The following ASIC2 variants were observed in gnomAD, a reference collection of about 807,000 sequenced individuals.
ASIC2 encodes acid sensing ion channel subunit 2, also known as acid-sensing ion channel 2.
ASIC2 carries 25 observed loss-of-function variants against 57.3 expected under a neutral mutation model. That is an observed-to-expected ratio of 0.44 (90% CI 0.32 to 0.61). The LOEUF is 0.61. Among genes scored for constraint, ASIC2 ranks in the 20% least tolerant of loss-of-function variants. The pLI, the probability that ASIC2 is intolerant of heterozygous loss-of-function variation, is 0.06. For synonymous variants in ASIC2, 319 were observed against 307.5 expected, an observed-to-expected ratio of 1.04 and a Z score of -0.39; for missense variants, 641 against 738.1, an observed-to-expected ratio of 0.87 and a Z score of 1.52.
intron 1 of ASIC2, among the ~76,000 whole-genome samples, chr17:33,311,360 C>T (rs185566637): frequency 1.3e-5 from 2 of 152,012 alleles, no homozygotes; most frequent in Non-Finnish European, 2.9e-5. Context: ...TGATGTACCA[C>T]CCCATGTACA....
intron 1 of ASIC2, among the ~76,000 whole-genome samples, chr17:33,196,030 T>C (rs1031300736): frequency 6.6e-6 from 1 of 152,220 alleles, no homozygotes; most frequent in Non-Finnish European, 1.5e-5. Flanking sequence ...GTGTGCCGGA[T>C]ACCCCGCCAG....
chr17:33,465,848 T>C (rs1488407646), intron 1 of ASIC2, among the ~76,000 whole-genome samples: 1 of 152,218 alleles, frequency 6.6e-6, no homozygotes, highest in Non-Finnish European at 1.5e-5. Flanking sequence ...GCCCAACTTA[T>C]GTGGAGATGT....
intron 1 of ASIC2, among the ~76,000 whole-genome samples, chr17:33,686,660 A>G (rs1908204625): frequency 6.6e-6 from 1 of 152,224 alleles, no homozygotes; most frequent in South Asian, 2.1e-4. Flanking sequence ...CCTTGCAGTC[A>G]GAATGACTGG....
intron 1 of ASIC2, among the ~76,000 whole-genome samples, chr17:33,506,238 CAAA>C (rs533194191): frequency 0.02 from 2,225 of 114,098 alleles, 62 homozygotes; most frequent in African/African-American, 0.064. Context: ...ACTAAAAATA[CAAA>C]AAAAAAAAAA....
At position 33,979,401 on chromosome 17, in the gene ASIC2, A is replaced by G. The variant is rs1311056099; in HGVS notation, c.555+176577T>C. On this transcript the variant is annotated intron_variant, in intron 1 of 9. Coordinates refer to the ASIC2 transcript ENST00000359872. ...AAACCCTGACTTCTCCCCTCCACCCAGCCGAGCTCCACCAAGCCCAGGAGT... is the reference window on the plus strand; with the variant it reads ...AAACCCTGACTTCTCCCCTCCACCCGGCCGAGCTCCACCAAGCCCAGGAGT... 2.0e-5 allele frequency among the ~76,000 whole-genome samples: 3 copies of G among 152,098 alleles called. No homozygotes were observed. The East Asian group carries it at 5.8e-4, about 29-fold the overall frequency.
At chr17:33,782,231 C>T (rs1012079493) in intron 1 of ASIC2, among the ~76,000 whole-genome samples, 2 of 152,134 alleles carry the variant, frequency 1.3e-5, no homozygotes, top group Admixed American at 6.5e-5. Flanking sequence ...CTCTGCCTAG[C>T]CCTCAGTCCT....
rs1005371640 is a variant in ASIC2, at chr17:34,057,473, T to A, written c.555+98505A>T. ...AGAGGTGTGAGTGCCTGTCTGATGATGGGACTTGGTGCAATTATGGCTGCA... is the reference window on the plus strand; with the variant it reads ...AGAGGTGTGAGTGCCTGTCTGATGAAGGGACTTGGTGCAATTATGGCTGCA... On this transcript the variant is annotated intron_variant, in intron 1 of 9. Coordinates refer to the ASIC2 transcript ENST00000359872. 2.6e-5 allele frequency among the ~76,000 whole-genome samples: 4 copies of A among 152,172 alleles called. No homozygotes were observed. In the South Asian group the frequency reaches 8.3e-4, roughly 31 times the overall value.
intron 1 of ASIC2, among the ~76,000 whole-genome samples, chr17:33,778,632 G>A (rs1911354757): frequency 6.6e-6 from 1 of 152,124 alleles, no homozygotes; most frequent in African/African-American, 2.4e-5. Context: ...ATCATAGAAG[G>A]AGTTTTAGAA....
chr17:33,635,575 G>T (rs1286085240), intron 1 of ASIC2, among the ~76,000 whole-genome samples: 6 of 152,208 alleles, frequency 3.9e-5, no homozygotes, highest in African/African-American at 7.2e-5. Context: ...AATTGCTGGA[G>T]AATGTATTTT....
chr17:34,135,779 AAATAAT>A (rs923790584), intron 1 of ASIC2, among the ~76,000 whole-genome samples: 1 of 152,170 alleles, frequency 6.6e-6, no homozygotes, highest in African/African-American at 2.4e-5. Context: ...CTTGTATTTT[AAATAAT>A]AATAATATTA....
At chr17:33,227,345 A>G (rs1255072783) in intron 1 of ASIC2, among the ~76,000 whole-genome samples, 2 of 152,276 alleles carry the variant, frequency 1.3e-5, no homozygotes, top group East Asian at 3.9e-4. Flanking sequence ...TCCCTGGCAT[A>G]TGGAGACATT....
intron 1 of ASIC2, among the ~76,000 whole-genome samples, chr17:33,557,434 T>C (rs999337157): frequency 2.0e-5 from 3 of 152,208 alleles, no homozygotes; most frequent in Admixed American, 6.5e-5. Flanking sequence ...AAGATGAACA[T>C]GGCATGGTCC....
chr17:33,510,130 C>A (rs558743709), intron 1 of ASIC2, among the ~76,000 whole-genome samples: 2 of 152,224 alleles, frequency 1.3e-5, no homozygotes, highest in East Asian at 3.9e-4. Context: ...CTGGAGTTTT[C>A]CAGCCCTGTC....
intron 1 of ASIC2, among the ~76,000 whole-genome samples, chr17:33,711,914 AC>A (rs1597845328): frequency 1.3e-5 from 2 of 152,128 alleles, no homozygotes; most frequent in Admixed American, 6.5e-5. Context: ...CATCTTCAGA[AC>A]CAGGAAATTA....
intron 1 of ASIC2, among the ~76,000 whole-genome samples, chr17:33,174,330 A>G (rs1905651207): frequency 6.6e-6 from 1 of 151,394 alleles, no homozygotes; most frequent in African/African-American, 2.4e-5. Flanking sequence ...CTGAAGTGGG[A>G]GAATCGCTTG....
intron 1 of ASIC2, among the ~76,000 whole-genome samples, chr17:33,783,782 G>A (rs924257736): frequency 8.5e-5 from 13 of 152,248 alleles, no homozygotes; most frequent in African/African-American, 2.7e-4. Context: ...AACTCCAGTT[G>A]TAATTTTTGG....
chr17:33,981,819 A>G (rs765817884), intron 1 of ASIC2, among the ~76,000 whole-genome samples: 8 of 152,160 alleles, frequency 5.3e-5, no homozygotes, highest in Non-Finnish European at 1.2e-4. Flanking sequence ...TTGTATCCCT[A>G]TGTTATAGAT....
chr17:33,900,320 T>G (rs933751490), intron 1 of ASIC2, among the ~76,000 whole-genome samples: 3 of 152,086 alleles, frequency 2.0e-5, no homozygotes, highest in Non-Finnish European at 4.4e-5. Flanking sequence ...TTATTAGTGG[T>G]TTTGCCTTCT....
chr17:33,165,788 T>C (rs112341981), intron 1 of ASIC2, among the ~76,000 whole-genome samples: 3,816 of 152,200 alleles, frequency 0.025, 171 homozygotes, highest in African/African-American at 0.087. Flanking sequence ...TAAATGGTAA[T>C]GGAGGATTTG....
Sources: gnomAD v4.1 joint callset for allele counts (sites outside exome capture counted in the v4.1 genomes callset) on GRCh38, gnomAD v4.1.1 for gene constraint, MANE v1.5 for transcripts, NCBI Gene and HGNC (gene_info 2026-07-23, HGNC 2026-07-21) for gene names.